The following SND1 variants were observed in gnomAD, a reference collection of about 807,000 sequenced individuals.
The protein encoded by SND1 is staphylococcal nuclease and tudor domain containing 1.
In SND1, 38 loss-of-function variants were observed where a neutral mutation model predicts 121.7. The ratio of observed to expected loss-of-function variants is 0.31; its 90% CI spans 0.24 to 0.41. The LOEUF (loss-of-function observed/expected upper bound fraction) is 0.41, where lower values mean the gene tolerates loss of function less well. Among genes scored for constraint, SND1 ranks in the 10% least tolerant of loss-of-function variants. The pLI is 1.00. For synonymous variants in SND1, 401 were observed against 447.4 expected, an observed-to-expected ratio of 0.90 and a Z score of 1.31; for missense variants, 868 against 1,184.6, an observed-to-expected ratio of 0.73 and a Z score of 3.92.
chr7:128,087,220 G>A (rs1054743201), intron 21 of SND1, among the ~76,000 whole-genome samples, 169 bp downstream of exon 21: 1 of 152,196 alleles, frequency 6.6e-6, no homozygotes, highest in South Asian at 2.1e-4. Flanking sequence ...TAGTATTAGA[G>A]CATTCCAGCT....
chr7:127,859,832 C>A (rs1799345736), intron 12 of SND1, among the ~76,000 whole-genome samples: 2 of 152,026 alleles, frequency 1.3e-5, no homozygotes, highest in Non-Finnish European at 2.9e-5. Flanking sequence ...TATTGCTAAC[C>A]ACTGAGAAAG....
Position 128,092,193 on chromosome 7 carries a change from T to G in SND1, c.*135T>G. 3.1e-6 allele frequency: 3 copies of G among 959,838 alleles called. No homozygotes were observed. The highest frequency in any genetic ancestry group is 4.8e-6 in the Non-Finnish European group (3 of 630,880). The allele number at this position is 959,838 out of a possible 1,614,324, so 59.5% of individuals were successfully genotyped here. On this transcript the variant is annotated 3_prime_UTR_variant, in exon 24 of 24. Coordinates refer to ENST00000354725, the MANE Select transcript of SND1 (RefSeq NM_014390.4). This position sits in a 1 kb window ranked among gnomAD's most constrained non-coding sequence, Gnocchi z 4.9. ...CTTTGCTTCAGTGTGTGGAAATGTC[T>G]CGTGGGGTGGCATCGGGGCTGCGGG...
chr7:127,830,744 G>A (rs2116623133), intron 11 of SND1, among the ~76,000 whole-genome samples: 1 of 152,238 alleles, frequency 6.6e-6, no homozygotes, highest in African/African-American at 2.4e-5. Context: ...ACTGATTCCA[G>A]TCTCTTGTGC....
chr7:128,042,084 C>G (rs1005369600), intron 16 of SND1, among the ~76,000 whole-genome samples: 2 of 152,174 alleles, frequency 1.3e-5, no homozygotes, highest in Non-Finnish European at 2.9e-5. Flanking sequence ...CATTCTCTAT[C>G]ACTTTCTTGG....
Position 127,764,045 on chromosome 7 carries a change from A to C in SND1, c.1152+42645A>C, listed in dbSNP as rs553894061. On this transcript the variant is annotated intron_variant, in intron 10 of 23. Coordinates refer to ENST00000354725, the MANE Select transcript of SND1 (RefSeq NM_014390.4). ...CAGAGCAAGACCCTGTCGCAAAAAA[A>C]AAAAAAACAAAAAAACAAAAAAACA... is the stretch of plus-strand genomic sequence containing the variant. Among the ~76,000 whole-genome samples, 119 of 146,550 alleles carry C rather than the reference A, an allele frequency of 8.1e-4. 5 individuals carry two copies. Among genetic ancestry groups the C allele is most frequent in the East Asian group, 2.7e-3 (14 of 5,158 alleles).
intron 16 of SND1, among the ~76,000 whole-genome samples, chr7:127,993,283 T>G (rs1802561809): frequency 6.6e-6 from 1 of 152,238 alleles, no homozygotes; most frequent in Admixed American, 6.5e-5. Context: ...TTCATTTACT[T>G]TTACCTATGT....
intron 10 of SND1, among the ~76,000 whole-genome samples, chr7:127,776,273 T>C (rs545419790): frequency 6.6e-6 from 1 of 152,296 alleles, no homozygotes; most frequent in African/African-American, 2.4e-5. Flanking sequence ...ATGTTGATTG[T>C]TTTATGGCAT....
Position 127,721,243 on chromosome 7 carries a change from G to A in SND1, c.1039-44G>A, listed in dbSNP as rs759198973. 5.9e-6 allele frequency: 8 copies of A among 1,350,794 alleles called. No homozygotes were observed. The South Asian group carries it at 9.3e-5, about 16-fold the overall frequency. The allele number at this position is 1,350,794 out of a possible 1,614,324, so 83.7% of individuals were successfully genotyped here. A position where few individuals can be genotyped will look rare whatever the true frequency, so the allele number is the denominator to read the frequency against. On this transcript the variant is annotated intron_variant, in intron 9 of 23. Transcript: ENST00000354725. ...GGGCCTTGCTCTTGGACATGTGATG[G>A]GGGCCATAGAAGCAGGTTTAAGCAT...
At chr7:127,927,723 C>G (rs959626096) in intron 14 of SND1, among the ~76,000 whole-genome samples, 24 of 152,208 alleles carry the variant, frequency 1.6e-4, no homozygotes, top group African/African-American at 5.8e-4. Flanking sequence ...TCATCCCAGC[C>G]TACCTCACTG....
chr7:128,088,287 A>C (rs1793717894), intron 21 of SND1, among the ~76,000 whole-genome samples: 1 of 150,344 alleles, frequency 6.7e-6, no homozygotes, highest in Admixed American at 6.6e-5. Context: ...TCTAAAAAAA[A>C]AAAAAAAAAA....
chr7:128,089,467 C>G, intron 21 of SND1, 22 bp from the exon 22 acceptor site: 2 of 1,598,764 alleles, frequency 1.3e-6, no homozygotes, highest in African/African-American at 1.3e-5. Context: ...CTTGCTCTGA[C>G]CTGAGTGTGT....
At chr7:127,964,665 G>A (rs1801815170) in intron 15 of SND1, among the ~76,000 whole-genome samples, 2 of 151,626 alleles carry the variant, frequency 1.3e-5, no homozygotes, top group Admixed American at 6.6e-5. Flanking sequence ...TAGCCTTGTA[G>A]TATAGTTTGA....
At chr7:127,655,490 A>G (rs1795194529) in intron 1 of SND1, among the ~76,000 whole-genome samples, 1 of 152,222 alleles carries the variant, frequency 6.6e-6, no homozygotes, top group African/African-American at 2.4e-5. Flanking sequence ...GTTACAGAAA[A>G]AATCAGCAAG....
At chr7:127,860,077 T>C (rs1799348613) in intron 12 of SND1, among the ~76,000 whole-genome samples, 1 of 152,218 alleles carries the variant, frequency 6.6e-6, no homozygotes, top group African/African-American at 2.4e-5. Flanking sequence ...TAGCTCTGCC[T>C]CCAGGTTAAA....
chr7:127,673,931 CTGT>C (rs1795570588), intron 1 of SND1, among the ~76,000 whole-genome samples: 1 of 152,164 alleles, frequency 6.6e-6, no homozygotes, highest in Admixed American at 6.5e-5. Flanking sequence ...CTGGAATCAG[CTGT>C]TTCTTCAAGA....
intron 10 of SND1, among the ~76,000 whole-genome samples, chr7:127,775,018 G>T (rs1331684110): frequency 6.6e-6 from 1 of 152,200 alleles, no homozygotes; most frequent in Non-Finnish European, 1.5e-5. Flanking sequence ...GATCATGCTG[G>T]CTTAGAATGG....
chr7:127,940,314 A>T (rs1297086295), intron 15 of SND1, among the ~76,000 whole-genome samples: 1 of 151,842 alleles, frequency 6.6e-6, no homozygotes, highest in East Asian at 1.9e-4. Flanking sequence ...AGATTATTCA[A>T]CACTATCTTG....
intron 1 of SND1, among the ~76,000 whole-genome samples, chr7:127,662,663 GTTTT>G (rs1400429736): frequency 6.6e-6 from 1 of 151,980 alleles, no homozygotes; most frequent in Non-Finnish European, 1.5e-5. Context: ...TTACTCAATA[GTTTT>G]TTTGTTTGGT....
intron 16 of SND1, among the ~76,000 whole-genome samples, chr7:128,050,371 C>T (rs1023475132): frequency 6.6e-6 from 1 of 152,244 alleles, no homozygotes; most frequent in Admixed American, 6.5e-5. Context: ...CATTGTTCTT[C>T]TCCTTACCTC....
Sources: allele counts gnomAD v4.1 joint callset (sites outside exome capture counted in the v4.1 genomes callset), GRCh38; gene constraint gnomAD v4.1.1; non-coding constraint Gnocchi (gnomAD v3.1); transcripts MANE v1.5; gene names NCBI Gene and HGNC (gene_info 2026-07-23, HGNC 2026-07-21).